Variants in AGO3 observed in about 807,000 individuals in gnomAD.
The protein encoded by AGO3 is argonaute RISC catalytic component 3, also known as protein argonaute-3.
Under a neutral mutation model 105.5 loss-of-function variants are expected in AGO3, and 16 were observed. That is an observed-to-expected ratio of 0.15 (90% confidence interval 0.10 to 0.23). The LOEUF (loss-of-function observed/expected upper bound fraction) is 0.23, where lower values mean the gene tolerates loss of function less well. Among genes scored for constraint, AGO3 ranks in the 10% least tolerant of loss-of-function variants. The pLI is 1.00. For missense variants in AGO3, 534 were observed against 1,088.0 expected (o/e 0.49, Z 7.16); for synonymous variants, 340 against 367.3 (o/e 0.93, Z 0.85).
intron 4 of AGO3, among the ~76,000 whole-genome samples, chr1:35,973,076 A>G (rs552614274): frequency 1.2e-4 from 18 of 151,972 alleles, no homozygotes; most frequent in African/African-American, 4.3e-4. Flanking sequence ...ATAATTATTT[A>G]CTTGTTAACA....
chr1:36,048,883 A>G (rs1642583755), intron 17 of AGO3, among the ~76,000 whole-genome samples: 1 of 152,088 alleles, frequency 6.6e-6, no homozygotes, highest in Admixed American at 6.6e-5. Flanking sequence ...TTATTTTTGT[A>G]TTTTTGTAGA....
At chr1:36,003,406 A>G (rs1569725786) in intron 5 of AGO3, among the ~76,000 whole-genome samples, 1 of 152,060 alleles carries the variant, frequency 6.6e-6, no homozygotes, top group South Asian at 2.1e-4. Context: ...AAATATTACT[A>G]TCTGTAGACT....
At chr1:35,990,733 AAAT>A (rs1405756985) in intron 5 of AGO3, among the ~76,000 whole-genome samples, 2 of 152,352 alleles carry the variant, frequency 1.3e-5, no homozygotes, top group East Asian at 3.9e-4. Context: ...AAATTCTAGT[AAAT>A]AATTTATTAA....
chr1:36,060,590 A>G lies in AGO3; in HGVS notation c.*4845A>G, dbSNP rs1042043398. On this transcript the variant is annotated 3_prime_UTR_variant, in exon 19 of 19. Transcript: ENST00000373191. ...TCTTCCTATTTCAAACTTGATTTTA[A>G]TATTTTTACCAAGAAGTTTAACTGA... 3 of 152,246 alleles carry G rather than the reference A, an allele frequency of 2.0e-5. No homozygotes were observed. Among genetic ancestry groups the G allele is most frequent in the African/African-American group, 7.2e-5 (3 of 41,466 alleles). 9.4% of individuals were successfully genotyped at this position (152,246 alleles called of 1,614,324 possible). A position where few individuals can be genotyped will look rare whatever the true frequency, so the allele number is the denominator to read the frequency against.
intron 13 of AGO3, among the ~76,000 whole-genome samples, chr1:36,035,591 C>A (rs889130851): frequency 6.6e-6 from 1 of 151,964 alleles, no homozygotes; most frequent in African/African-American, 2.4e-5. Context: ...AAATATAAGT[C>A]TTTTTTTAAA....
rs796450347 is a variant in AGO3 at position 36,069,140 on chromosome 1, G to A, written c.*13395G>A. 8 of 152,362 alleles carry A rather than the reference G, an allele frequency of 5.3e-5. No individual in the cohort carries two copies. The highest frequency in any genetic ancestry group is 1.9e-4 in the African/African-American group (8 of 41,550). 9.4% of individuals were successfully genotyped at this position (152,362 alleles called of 1,614,324 possible). ...TTGTTCTGAGTCAGGGTCTCACTCTGTTGCCCAGGCTGAACTACAGTAGTG... is the reference window on the plus strand; with the variant it reads ...TTGTTCTGAGTCAGGGTCTCACTCTATTGCCCAGGCTGAACTACAGTAGTG... On this transcript the variant is annotated 3_prime_UTR_variant, in exon 19 of 19. Transcript: ENST00000373191.
chr1:36,014,130 G>T, intron 11 of AGO3, 82 bp downstream of exon 11: 2 of 1,563,918 alleles, frequency 1.3e-6, no homozygotes, highest in East Asian at 2.2e-5. Flanking sequence ...AACAGATGTT[G>T]CCTTAATATG....
intron 2 of AGO3, among the ~76,000 whole-genome samples, chr1:35,957,136 A>G (rs909731099): frequency 3.3e-5 from 5 of 151,518 alleles, no homozygotes; most frequent in African/African-American, 4.8e-5. Context: ...GATCACTTGA[A>G]CCCAGGAGTC....
At chr1:35,931,496 T>C in intron 1 of AGO3, 51 bp downstream of exon 1, 1 of 1,405,014 alleles carries the variant, frequency 7.1e-7, no homozygotes. Context: ...GCTACTGTCC[T>C]CTGAGCATCC....
At chr1:35,976,988 C>T (rs1052991407) in intron 5 of AGO3, among the ~76,000 whole-genome samples, 2 of 151,970 alleles carry the variant, frequency 1.3e-5, no homozygotes, top group Non-Finnish European at 1.5e-5. Context: ...TGTGACCTGC[C>T]GTTTTTTGTT....
chr1:35,999,748 T>G (rs1639998507), intron 5 of AGO3, among the ~76,000 whole-genome samples: 1 of 152,202 alleles, frequency 6.6e-6, no homozygotes, highest in Non-Finnish European at 1.5e-5. Context: ...AATTCTGTAA[T>G]TTGTCCATAG....
chr1:36,018,347 A>G (rs114469014), intron 11 of AGO3, among the ~76,000 whole-genome samples: 111,190 of 151,482 alleles, frequency 0.73, 44,059 homozygotes, highest in Non-Finnish European at 0.91. Context: ...ATTATGAAGC[A>G]AAAAAGGTAC....
chr1:35,949,177 A>G (rs1646424285), intron 2 of AGO3, among the ~76,000 whole-genome samples: 1 of 152,186 alleles, frequency 6.6e-6, no homozygotes, highest in Admixed American at 6.5e-5. Context: ...TCCCAACCTC[A>G]GGTGATCTGC....
At position 35,931,367 on chromosome 1, in the gene AGO3, C is replaced by T. The variant is rs1048279555; in HGVS notation, c.-60C>T. The T allele has an allele frequency of 1.4e-6, 2 of 1,405,248 alleles. No individual in the cohort carries two copies. The highest frequency in any genetic ancestry group is 6.4e-5 in the Admixed American group (2 of 31,478). 87.0% of individuals were successfully genotyped at this position (1,405,248 alleles called of 1,614,324 possible). Reference sequence around the variant, plus strand: ...TCGCGCCGCGTCGCCCCCCGGGCCGCCTCCTTGCCGCCAGTGGCGGGCTCC... The same window carrying T: ...TCGCGCCGCGTCGCCCCCCGGGCCGTCTCCTTGCCGCCAGTGGCGGGCTCC... On this transcript the variant is annotated 5_prime_UTR_variant, in exon 1 of 19. Coordinates refer to ENST00000373191, the MANE Select transcript of AGO3 (RefSeq NM_024852.4).
intron 12 of AGO3, among the ~76,000 whole-genome samples, chr1:36,028,431 T>C (rs1641613849): frequency 9.0e-6 from 1 of 111,284 alleles, no homozygotes. Flanking sequence ...GAGTGTGATG[T>C]TCCCCTTCCT....
chr1:36,041,614 GC>G (rs1024019578), intron 16 of AGO3, among the ~76,000 whole-genome samples: 2 of 152,100 alleles, frequency 1.3e-5, no homozygotes, highest in African/African-American at 4.8e-5. Context: ...GATCACATCT[GC>G]CCCCATCCTG....
intron 3 of AGO3, among the ~76,000 whole-genome samples, chr1:35,971,048 T>A (rs1269401890): frequency 2.0e-5 from 3 of 146,398 alleles, no homozygotes; most frequent in Admixed American, 6.9e-5. Context: ...ATATATATTT[T>A]TTATTATAAA....
rs1057309800 is a variant in AGO3 at position 36,071,304 on chromosome 1, TGTG to T, written c.*15561_*15563del. On this transcript the variant is annotated 3_prime_UTR_variant, in exon 19 of 19. Transcript: ENST00000373191. The stretch of plus-strand genomic sequence containing the variant: ...AAGAGTAAAATGTAAATACAGGACA[TGTG>T]GGGAGGGTGGGGCCGCCTGCAAAAT... 5 of 152,126 alleles carry T rather than the reference TGTG, an allele frequency of 3.3e-5. No individual in the cohort carries two copies. Among genetic ancestry groups the T allele is most frequent in the Admixed American group, 6.6e-5 (1 of 15,254 alleles). The allele number at this position is 152,126 out of a possible 1,614,324, so 9.4% of individuals were successfully genotyped here.
chr1:35,994,888 T>C (rs1648124691), intron 5 of AGO3, among the ~76,000 whole-genome samples: 1 of 152,172 alleles, frequency 6.6e-6, no homozygotes, highest in African/African-American at 2.4e-5. Context: ...TCTCAAATTG[T>C]TAAGAATTTC....
Sources: gnomAD v4.1 joint callset for allele counts (sites outside exome capture counted in the v4.1 genomes callset) on GRCh38, gnomAD v4.1.1 for gene constraint, MANE v1.5 for transcripts, NCBI Gene and HGNC (gene_info 2026-07-23, HGNC 2026-07-21) for gene names.